The following BLK variants were observed in gnomAD, a reference collection of about 807,000 sequenced individuals.
BLK encodes the protein tyrosine-protein kinase Blk.
In BLK, 64 loss-of-function variants were observed where a neutral mutation model predicts 61.8. The ratio of observed to expected loss-of-function variants is 1.03; its 90% CI spans 0.85 to 1.27. The LOEUF (loss-of-function observed/expected upper bound fraction) is 1.27, where lower values mean the gene tolerates loss of function less well. BLK is among the 50% of genes most tolerant of loss of function. The probability of loss-of-function intolerance (pLI) is 0.00; values close to 1 mark genes in which losing one functional copy is unlikely to be tolerated. For synonymous variants in BLK, 351 were observed against 272.0 expected, an observed-to-expected ratio of 1.29 and a Z score of -2.86; for missense variants, 853 against 660.5, an observed-to-expected ratio of 1.29 and a Z score of -3.19.
At chr8:11,524,182 A>G (rs1349930732) in intron 1 of BLK, among the ~76,000 whole-genome samples, 1 of 152,224 alleles carries the variant, frequency 6.6e-6, no homozygotes, top group African/African-American at 2.4e-5. Flanking sequence ...GTTCAAAATT[A>G]CATTTATTTA....
intron 1 of BLK, among the ~76,000 whole-genome samples, chr8:11,513,787 T>G (rs1206024283): frequency 1.3e-5 from 2 of 152,142 alleles, no homozygotes; most frequent in East Asian, 3.8e-4. Context: ...GAATTCCATG[T>G]GATTTAAGTG....
At chr8:11,558,907 C>T in intron 10 of BLK, 1 of 456,144 alleles carries the variant, frequency 2.2e-6, no homozygotes, top group Non-Finnish European at 4.4e-6. Context: ...CTCGCCCAGC[C>T]TTACCCAGTA....
At chr8:11,495,221 TG>T (rs893286539) in intron 1 of BLK, among the ~76,000 whole-genome samples, 10 of 152,216 alleles carry the variant, frequency 6.6e-5, no homozygotes, top group Non-Finnish European at 1.5e-4. Flanking sequence ...TGTAAGGTTT[TG>T]ACAACGTTTC....
At chr8:11,505,681 A>T (rs573069465) in intron 1 of BLK, among the ~76,000 whole-genome samples, 2 of 152,026 alleles carry the variant, frequency 1.3e-5, no homozygotes, top group African/African-American at 4.8e-5. Context: ...CTAAAACTCA[A>T]ATGTGGCCCT....
chr8:11,513,647 G>A (rs1045047646), intron 1 of BLK, among the ~76,000 whole-genome samples: 11 of 152,224 alleles, frequency 7.2e-5, no homozygotes, highest in African/African-American at 2.7e-4. Context: ...GTACAAGATT[G>A]CACCTTGGGC....
At chr8:11,559,024 A>AC in intron 10 of BLK, 1 of 456,240 alleles carries the variant, frequency 2.2e-6, no homozygotes, top group East Asian at 6.9e-5. Context: ...CCGGCTTCAA[A>AC]CCCCAGGGCA....
intron 1 of BLK, among the ~76,000 whole-genome samples, chr8:11,524,676 G>A (rs1305451981): frequency 2.0e-5 from 3 of 152,166 alleles, no homozygotes; most frequent in Non-Finnish European, 4.4e-5. Flanking sequence ...GAAAGGGCAT[G>A]AGCAAAGGAC....
In BLK at chr8:11,549,040, C is replaced by G. The variant is rs756650691; in HGVS notation, c.286C>G (p.Leu96Val). The G allele has an allele frequency of 1.2e-6, 2 of 1,609,864 alleles. No individual in the cohort carries two copies. Among genetic ancestry groups the G allele is most frequent in the South Asian group, 2.2e-5 (2 of 89,560 alleles). The change falls in exon 5 of 13, where the codon CTG becomes GTG. Residue 96 changes from leucine to valine, a missense_variant. Coordinates refer to ENST00000259089, the MANE Select transcript of BLK (RefSeq NM_001715.3). ...TCCCATTAGAACTGGAGACTGGTGG[C>G]TGGCCAGGTCACTCGTCACAGGAAG... ...QVLKGTGDWW[L>V]ARSLVTGREG... is the part of the protein sequence containing the mutation.
intron 3 of BLK, among the ~76,000 whole-genome samples, 194 bp downstream of exon 3, chr8:11,546,297 G>A (rs942063237): frequency 5.3e-5 from 8 of 152,202 alleles, no homozygotes; most frequent in Non-Finnish European, 1.0e-4. Context: ...TCTTCAGTAT[G>A]CCTGAGCCTG....
intron 1 of BLK, among the ~76,000 whole-genome samples, chr8:11,508,057 C>T (rs1397812619): frequency 1.3e-5 from 2 of 152,172 alleles, no homozygotes; most frequent in Non-Finnish European, 2.9e-5. Flanking sequence ...TCATGTGGTC[C>T]TCACAACAGC....
chr8:11,521,386 G>A (rs1038027773), intron 1 of BLK, among the ~76,000 whole-genome samples: 2 of 152,152 alleles, frequency 1.3e-5, no homozygotes. Flanking sequence ...GACTTCCCAG[G>A]CTCAAGCAAT....
Position 11,500,350 on chromosome 8 carries a change from C to T in BLK, c.-2+5759C>T, listed in dbSNP as rs145891667. 4.0e-3 allele frequency among the ~76,000 whole-genome samples: 602 copies of T among 151,970 alleles called. 4 individuals carry two copies. The highest frequency in any genetic ancestry group is 0.013 in the African/African-American group (554 of 41,420). On this transcript the variant is annotated intron_variant, in intron 1 of 12. Transcript: ENST00000259089. ...CTAGGACTACAGGTGTGCACCACCA[C>T]GCCCTGCTAATTTTTGTATTTTTTT...
intron 4 of BLK, 34 bp from the exon 5 acceptor site, chr8:11,548,990 A>C: frequency 6.4e-7 from 1 of 1,570,846 alleles, no homozygotes; most frequent in Non-Finnish European, 8.7e-7. Flanking sequence ...TACAGGGGCC[A>C]TGATCTCATC....
At chr8:11,537,610 A>G (rs1800186067) in intron 1 of BLK, among the ~76,000 whole-genome samples, 1 of 152,206 alleles carries the variant, frequency 6.6e-6, no homozygotes, top group Non-Finnish European at 1.5e-5. Context: ...CCCTGGAGAC[A>G]GTAACACCCT....
chr8:11,498,780 C>G (rs1429002985), intron 1 of BLK, among the ~76,000 whole-genome samples: 1 of 152,178 alleles, frequency 6.6e-6, no homozygotes, highest in African/African-American at 2.4e-5. Flanking sequence ...TTTCTTCATT[C>G]ATTGATAATA....
intron 1 of BLK, among the ~76,000 whole-genome samples, chr8:11,535,292 GAA>G (rs758038482): frequency 7.0e-6 from 1 of 142,538 alleles, no homozygotes; most frequent in Non-Finnish European, 1.5e-5. Flanking sequence ...AAGAAAGAAA[GAA>G]AGAAAGAAAG....
At chr8:11,540,060 TTTTGTTCTCTC>T (rs1321322765) in intron 1 of BLK, among the ~76,000 whole-genome samples, 11 of 152,294 alleles carry the variant, frequency 7.2e-5, no homozygotes, top group Non-Finnish European at 1.2e-4. Context: ...TTTGTACTTT[TTTTGTTCTCTC>T]TTCGCTTCTG....
chr8:11,548,859 G>T (rs1800769775), intron 4 of BLK, among the ~76,000 whole-genome samples, 165 bp from the exon 5 acceptor site: 1 of 152,204 alleles, frequency 6.6e-6, no homozygotes, highest in Non-Finnish European at 1.5e-5. Flanking sequence ...GATAGCCACT[G>T]TACCACTGAG....
chr8:11,513,310 C>A (rs1372538958), intron 1 of BLK, among the ~76,000 whole-genome samples: 4 of 152,176 alleles, frequency 2.6e-5, no homozygotes, highest in African/African-American at 4.8e-5. Context: ...CTGATGCTGG[C>A]AGCAATGAAG....
Sources: gnomAD v4.1 joint callset for allele counts (sites outside exome capture counted in the v4.1 genomes callset) on GRCh38, gnomAD v4.1.1 for gene constraint, MANE v1.5 for transcripts, NCBI Gene and HGNC (gene_info 2026-07-23, HGNC 2026-07-21) for gene names.